The following BRK1 variants were observed in gnomAD, a reference collection of about 807,000 sequenced individuals.
BRK1 encodes the protein protein BRICK1.
BRK1 carries 6 observed loss-of-function variants against 9.9 expected under a neutral mutation model. The ratio of observed to expected loss-of-function variants is 0.60; its 90% CI spans 0.33 to 1.19. BRK1 has a LOEUF of 1.19. BRK1 is among the 50% of genes most tolerant of loss of function. The pLI, the probability that BRK1 is intolerant of heterozygous loss-of-function variation, is 0.04. For missense variants in BRK1, 62 were observed against 97.5 expected (o/e 0.64, Z 1.53); for synonymous variants, 44 against 31.9 (o/e 1.38, Z -1.28).
At chr3:10,119,508 T>A (rs578015556) in intron 1 of BRK1, among the ~76,000 whole-genome samples, 7 of 152,112 alleles carry the variant, frequency 4.6e-5, no homozygotes, top group Non-Finnish European at 1.0e-4. Context: ...TCAAATATGT[T>A]AGCAATTCTG....
intron 1 of BRK1, among the ~76,000 whole-genome samples, chr3:10,121,822 C>A (rs1423214532): frequency 6.7e-6 from 1 of 150,236 alleles, no homozygotes; most frequent in East Asian, 1.9e-4. Context: ...CTCAGGTGAT[C>A]CACCCACCTC....
At chr3:10,126,156 A>G in intron 2 of BRK1, 113 bp from the exon 3 acceptor site, 2 of 689,760 alleles carry the variant, frequency 2.9e-6, no homozygotes, top group Non-Finnish European at 4.6e-6. Context: ...CTGTGACTTC[A>G]CAGCTATCTT....
intron 1 of BRK1, among the ~76,000 whole-genome samples, chr3:10,121,570 T>G (rs1444370845): frequency 6.6e-6 from 1 of 152,118 alleles, no homozygotes; most frequent in African/African-American, 2.4e-5. Context: ...TCAACATCTA[T>G]GTACCAGGCA....
At chr3:10,118,576 C>G (rs773240101) in intron 1 of BRK1, among the ~76,000 whole-genome samples, 2 of 151,724 alleles carry the variant, frequency 1.3e-5, no homozygotes, top group Admixed American at 6.6e-5. Flanking sequence ...CAACCTCCAT[C>G]TCCCAGGTTC....
intron 1 of BRK1, among the ~76,000 whole-genome samples, chr3:10,118,996 G>GT (rs1016794874): frequency 4.1e-5 from 6 of 145,228 alleles, no homozygotes; most frequent in East Asian, 1.9e-4. Context: ...TTTCCTAATG[G>GT]TTTTTTTTGT....
At chr3:10,124,078 C>A (rs576104358) in intron 1 of BRK1, among the ~76,000 whole-genome samples, 1 of 147,626 alleles carries the variant, frequency 6.8e-6, no homozygotes, top group Admixed American at 6.7e-5. Flanking sequence ...CTTGCCATGT[C>A]CCCTCTCTTG....
chr3:10,125,543 C>A (rs1340543668), intron 1 of BRK1, 83 bp from the exon 2 acceptor site: 4 of 805,518 alleles, frequency 5.0e-6, no homozygotes, highest in African/African-American at 1.7e-5. Flanking sequence ...TGTATTATTC[C>A]TCTTTTTCAT....
chr3:10,124,720 T>C (rs1162851398), intron 1 of BRK1, among the ~76,000 whole-genome samples: 1 of 152,100 alleles, frequency 6.6e-6, no homozygotes, highest in Non-Finnish European at 1.5e-5. Flanking sequence ...GTCTAGTTCC[T>C]CGAATATTGG....
intron 1 of BRK1, among the ~76,000 whole-genome samples, chr3:10,122,756 TA>T (rs1385524499): frequency 6.6e-6 from 1 of 152,030 alleles, no homozygotes; most frequent in Non-Finnish European, 1.5e-5. Flanking sequence ...AATGTTTAGA[TA>T]AATACAGAAG....
chr3:10,124,133 G>T (rs1052360800), intron 1 of BRK1, among the ~76,000 whole-genome samples: 1 of 151,874 alleles, frequency 6.6e-6, no homozygotes, highest in Admixed American at 6.6e-5. Flanking sequence ...CAGCCTTGGT[G>T]TATTCATTTG....
Position 10,126,414 on chromosome 3 carries a change from T to G in BRK1, c.*119T>G. 1.0e-6 allele frequency: 1 copy of G among 960,358 alleles called. No homozygotes were observed. The highest frequency in any genetic ancestry group is 2.7e-5 in the East Asian group (1 of 37,696). 59.5% of individuals were successfully genotyped at this position (960,358 alleles called of 1,614,324 possible). A position where few individuals can be genotyped will look rare whatever the true frequency, so the allele number is the denominator to read the frequency against. ...AAGAGCAACAGGGCTTATTCTTGTTTTTCTTTTTTCAAAAGTGTGGCCTTT... is the reference window on the plus strand; with the variant it reads ...AAGAGCAACAGGGCTTATTCTTGTTGTTCTTTTTTCAAAAGTGTGGCCTTT... On this transcript the variant is annotated 3_prime_UTR_variant, in exon 3 of 3. Coordinates refer to ENST00000530758, the MANE Select transcript of BRK1 (RefSeq NM_018462.5).
chr3:10,125,354 C>A (rs1017410507), intron 1 of BRK1, among the ~76,000 whole-genome samples: 1 of 152,106 alleles, frequency 6.6e-6, no homozygotes, highest in African/African-American at 2.4e-5. Flanking sequence ...ATCCACCCGC[C>A]TAGTCCTCCC....
chr3:10,119,328 A>T (rs1695727599), intron 1 of BRK1, among the ~76,000 whole-genome samples: 1 of 152,076 alleles, frequency 6.6e-6, no homozygotes, highest in African/African-American at 2.4e-5. Context: ...ATGGTGTCTC[A>T]TGCCTGTAAT....
chr3:10,126,186 T>C, intron 2 of BRK1, 83 bp from the exon 3 acceptor site: 2 of 942,252 alleles, frequency 2.1e-6, no homozygotes, highest in Non-Finnish European at 3.0e-6. Flanking sequence ...TATTTCTCAC[T>C]GCCTAGGATC....
Position 10,115,818 on chromosome 3 carries a change from C to T in BRK1, c.117C>T (p.Phe39=), listed in dbSNP as rs923766988. The change falls in exon 1 of 3, where the codon TTC becomes TTT. Residue 39 remains phenylalanine (F), a splice_region_variant and synonymous_variant. Coordinates refer to ENST00000530758, the MANE Select transcript of BRK1 (RefSeq NM_018462.5). ...AAATCGCAGACTTTCTCAACTCGTTCGGTCAGCGGGCCAGCAAGGGGAGGC... is the reference window on the plus strand; with the variant it reads ...AAATCGCAGACTTTCTCAACTCGTTTGGTCAGCGGGCCAGCAAGGGGAGGC... The part of the protein sequence containing the change: ...IKKIADFLNS[F]DMSCRSRLAT... 1 of 1,612,780 alleles carries T rather than the reference C, an allele frequency of 6.2e-7. No homozygotes were observed. The highest frequency in any genetic ancestry group is 1.7e-5 in the Admixed American group (1 of 60,018).
intron 1 of BRK1, among the ~76,000 whole-genome samples, chr3:10,117,361 G>A (rs979701436): frequency 1.2e-4 from 18 of 149,510 alleles, no homozygotes; most frequent in East Asian, 3.9e-4. Context: ...CAGATAGAGA[G>A]TAAAGACTTT....
intron 1 of BRK1, among the ~76,000 whole-genome samples, chr3:10,119,721 G>A (rs9811908): frequency 8.5e-5 from 13 of 152,210 alleles, no homozygotes; most frequent in South Asian, 6.2e-4. Context: ...GGCCTATTTT[G>A]CACTTTGGAA....
chr3:10,123,438 C>CTTTTTTTTTTTTT (rs869148224), intron 1 of BRK1, among the ~76,000 whole-genome samples: 1 of 136,030 alleles, frequency 7.4e-6, no homozygotes, highest in Non-Finnish European at 1.6e-5. Flanking sequence ...ACTTTCTTTC[C>CTTTTTTTTTTTTT]TTTTTTTTTT....
rs376920798 is a variant in BRK1, at chr3:10,115,681, G to T, written c.-21G>T. ...GTAGGGTCGGGGCGCCTGCGCAGTCGCTCTTCCTCAGGCGGCGGCCATGGC... is the reference window on the plus strand; with the variant it reads ...GTAGGGTCGGGGCGCCTGCGCAGTCTCTCTTCCTCAGGCGGCGGCCATGGC... On this transcript the variant is annotated 5_prime_UTR_variant, in exon 1 of 3. Transcript: ENST00000530758. The T allele has an allele frequency of 2.7e-4, 428 of 1,602,354 alleles. No homozygotes were observed. Among genetic ancestry groups the T allele is most frequent in the Non-Finnish European group, 3.4e-4 (392 of 1,169,512 alleles).
Sources: allele counts gnomAD v4.1 joint callset (sites outside exome capture counted in the v4.1 genomes callset), GRCh38; gene constraint gnomAD v4.1.1; transcripts MANE v1.5; gene names NCBI Gene and HGNC (gene_info 2026-07-23, HGNC 2026-07-21).